CABP5: variants seen among roughly 807,000 people sequenced by gnomAD.
CABP5 encodes the protein calcium binding protein 5.
In CABP5, 17 loss-of-function variants were observed where a neutral mutation model predicts 21.9. The ratio of observed to expected loss-of-function variants is 0.78; its 90% CI spans 0.53 to 1.17. The LOEUF is 1.17. Among genes scored for constraint, CABP5 ranks in the 50% most tolerant of loss-of-function variants. The pLI is 0.00. For missense variants in CABP5, 229 were observed against 228.9 expected, an observed-to-expected ratio of 1.00 and a Z score of 0.00; for synonymous variants, 85 against 79.4, an observed-to-expected ratio of 1.07 and a Z score of -0.37.
intron 2 of CABP5, 86 bp from the exon 3 acceptor site, chr19:48,040,834 A>G: frequency 1.5e-6 from 2 of 1,315,274 alleles, no homozygotes. Flanking sequence ...TGAGGCTCCA[A>G]CTAGAGACTC....
rs1967316240 is a variant in CABP5 at position 48,029,828 on chromosome 19, GA to G, written c.*728del. On this transcript the variant is annotated 3_prime_UTR_variant, in exon 6 of 6. Transcript: ENST00000293255. ...AGAGAGAGAGAGAGAGAGAGAGAGA[GA>G]GAGAGAGAAACCAGACAGTGCTTCC... The G allele has an allele frequency of 6.6e-6, 1 of 150,424 alleles. No homozygotes were observed. The highest frequency in any genetic ancestry group is 1.5e-5 in the Non-Finnish European group (1 of 67,818). 9.3% of individuals were successfully genotyped at this position (150,424 alleles called of 1,614,324 possible).
chr19:48,033,491 T>G (rs1385792750), intron 5 of CABP5, among the ~76,000 whole-genome samples: 1 of 152,092 alleles, frequency 6.6e-6, no homozygotes, highest in Non-Finnish European at 1.5e-5. Flanking sequence ...ACTCTAGAGA[T>G]GCCACGAATC....
intron 4 of CABP5, 25 bp from the exon 5 acceptor site, chr19:48,034,387 T>A (rs759015440): frequency 1.4e-5 from 21 of 1,469,880 alleles, no homozygotes; most frequent in Non-Finnish European, 1.9e-5. Flanking sequence ...AAATAGATTA[T>A]ATCAGCAATG....
Position 48,043,978 on chromosome 19 carries a change from G to T in CABP5, c.-56C>A. 1 of 1,443,424 alleles carries T rather than the reference G, an allele frequency of 6.9e-7. No individual in the cohort carries two copies. The highest frequency in any genetic ancestry group is 9.3e-7 in the Non-Finnish European group (1 of 1,080,136). The allele number at this position is 1,443,424 out of a possible 1,614,324, so 89.4% of individuals were successfully genotyped here. ...AGTCTCAAGATGGCCCCTCCTCCCT[G>T]CTCCCTGTCGGAGCTCAGCCTCCTT... On this transcript the variant is annotated 5_prime_UTR_variant, in exon 1 of 6. Transcript: ENST00000293255.
intron 4 of CABP5, among the ~76,000 whole-genome samples, chr19:48,036,938 A>C (rs1967414791): frequency 6.6e-6 from 1 of 152,330 alleles, no homozygotes; most frequent in East Asian, 1.9e-4. Flanking sequence ...AAGATGAATA[A>C]TAACAAGTGT....
chr19:48,040,290 T>C (rs535856000), intron 3 of CABP5, among the ~76,000 whole-genome samples: 3 of 152,184 alleles, frequency 2.0e-5, no homozygotes, highest in African/African-American at 4.8e-5. Flanking sequence ...CACAGTCCCA[T>C]GAGGTAAGGA....
At chr19:48,036,237 G>C (rs1207052989) in intron 4 of CABP5, among the ~76,000 whole-genome samples, 1 of 152,148 alleles carries the variant, frequency 6.6e-6, no homozygotes, top group Non-Finnish European at 1.5e-5. Context: ...TGCCCATGTG[G>C]AAGGCACCGT....
At chr19:48,040,128 C>T (rs1449667823) in intron 3 of CABP5, among the ~76,000 whole-genome samples, 2 of 152,302 alleles carry the variant, frequency 1.3e-5, no homozygotes, top group South Asian at 4.1e-4. Context: ...AGCTCCAGCT[C>T]CAAGTTTGTT....
At chr19:48,034,091 G>A (rs750485859) in intron 5 of CABP5, 124 bp downstream of exon 5, 23 of 939,780 alleles carry the variant, frequency 2.4e-5, no homozygotes, top group East Asian at 1.8e-4. Context: ...CCTGCCACCC[G>A]CTTCCATTCT....
intron 2 of CABP5, chr19:48,041,299 A>C (rs1967479217): frequency 6.2e-6 from 3 of 481,764 alleles, no homozygotes; most frequent in Non-Finnish European, 7.3e-6. Context: ...TCCTGGATGA[A>C]GTTATGGGGA....
At chr19:48,036,792 T>C (rs112299212) in intron 4 of CABP5, among the ~76,000 whole-genome samples, 1 of 151,726 alleles carries the variant, frequency 6.6e-6, no homozygotes, top group Admixed American at 6.6e-5. Context: ...CGTGAACAGC[T>C]ATCTCTCTAA....
intron 4 of CABP5, among the ~76,000 whole-genome samples, chr19:48,038,248 AC>A (rs1252181747): frequency 6.6e-6 from 1 of 152,156 alleles, no homozygotes; most frequent in East Asian, 1.9e-4. Context: ...TGGGGGAGGC[AC>A]TTGCACAGCC....
In CABP5 at chr19:48,036,771, T is replaced by G. The variant is rs142298420; in HGVS notation, c.349-2409A>C. Among the ~76,000 whole-genome samples, 698 of 151,436 alleles carry G rather than the reference T, an allele frequency of 4.6e-3. 6 individuals carry two copies. Among genetic ancestry groups the G allele is most frequent in the African/African-American group, 0.016 (661 of 41,102 alleles). ...CAGCCATCTCTCTAAAGAAGACAAA[T>G]GGGCAAAAGACGTGAACAGCTATCT... On this transcript the variant is annotated intron_variant, in intron 4 of 5. Coordinates refer to ENST00000293255, the MANE Select transcript of CABP5 (RefSeq NM_019855.5).
Position 48,029,522 on chromosome 19 carries a change from G to A in CABP5, c.*1035C>T, listed in dbSNP as rs950188568. Among the ~76,000 whole-genome samples, 1 of 152,036 alleles carries A rather than the reference G, an allele frequency of 6.6e-6. No individual in the cohort carries two copies. Among genetic ancestry groups the A allele is most frequent in the Admixed American group, 6.6e-5 (1 of 15,254 alleles). On this transcript the variant is annotated 3_prime_UTR_variant, in exon 6 of 6. Transcript: ENST00000293255. ...TCAGGACGTGAGGGACGGAACAGAC[G>A]ACCCATCTAACAGAGACACAGCCTC...
At chr19:48,035,456 G>A (rs953127871) in intron 4 of CABP5, among the ~76,000 whole-genome samples, 2 of 152,202 alleles carry the variant, frequency 1.3e-5, no homozygotes, top group Non-Finnish European at 2.9e-5. Flanking sequence ...AATTAGCCAG[G>A]CGTGGTGGCG....
rs768324493 is a variant in CABP5 at position 48,030,533 on chromosome 19, G to A, written c.*24C>T. The A allele has an allele frequency of 1.2e-6, 2 of 1,608,030 alleles. No individual in the cohort carries two copies. Among genetic ancestry groups the A allele is most frequent in the East Asian group, 2.2e-5 (1 of 44,802 alleles). On this transcript the variant is annotated 3_prime_UTR_variant, in exon 6 of 6. Coordinates refer to ENST00000293255, the MANE Select transcript of CABP5 (RefSeq NM_019855.5). ...TTGCTCCATGTTGACCAGGTGGAGA[G>A]GGTCTGGAGCTTCCAGGACCTCCTC...
intron 4 of CABP5, among the ~76,000 whole-genome samples, chr19:48,034,904 T>C (rs1394728306): frequency 1.3e-5 from 2 of 152,124 alleles, no homozygotes; most frequent in Non-Finnish European, 2.9e-5. Context: ...TCTTAAAATC[T>C]TGGCCTTAAG....
At chr19:48,040,804 G>T (rs543947350) in intron 2 of CABP5, 56 bp from the exon 3 acceptor site, 3 of 1,577,304 alleles carry the variant, frequency 1.9e-6, no homozygotes, top group Non-Finnish European at 2.6e-6. Flanking sequence ...GGGAAGAGTG[G>T]CATCTCTTGA....
At chr19:48,043,174 T>TG (rs1967504129) in intron 1 of CABP5, among the ~76,000 whole-genome samples, 1 of 115,804 alleles carries the variant, frequency 8.6e-6, no homozygotes, top group Non-Finnish European at 1.9e-5. Context: ...CATGCTGAGC[T>TG]ATTTTTTTGT....
Sources: allele counts gnomAD v4.1 joint callset (sites outside exome capture counted in the v4.1 genomes callset), GRCh38; gene constraint gnomAD v4.1.1; transcripts MANE v1.5; gene names NCBI Gene and HGNC (gene_info 2026-07-23, HGNC 2026-07-21).